Variants in NTN3 observed in about 807,000 individuals in gnomAD.
The protein encoded by NTN3 is netrin-3.
A neutral mutation model predicts 37.2 loss-of-function variants in NTN3; 44 were observed. The observed-to-expected ratio is 1.18, with a 90% CI of 0.93 to 1.52. The LOEUF (loss-of-function observed/expected upper bound fraction) is 1.52, where lower values mean the gene tolerates loss of function less well. Ranked by LOEUF, NTN3 falls within the 40% of genes most tolerant of loss-of-function variation. NTN3 has a pLI of 0.00. For synonymous variants in NTN3, 385 were observed against 376.0 expected, an observed-to-expected ratio of 1.02 and a Z score of -0.28; for missense variants, 882 against 857.3, an observed-to-expected ratio of 1.03 and a Z score of -0.36.
chr16:2,471,787 C>T lies in NTN3; in HGVS notation c.86C>T (p.Pro29Leu), dbSNP rs1342705768. ...LSPGPPAPAD[P>L]CHDEGGAPRG... ...CCTGGGCCGCCGGCGCCCGCCGACC[C>T]CTGCCACGATGAGGGGGGTGCGCCC... The change falls in exon 1 of 6, where the codon CCC becomes CTC. Residue 29 changes from proline to leucine, a missense_variant. Transcript: ENST00000293973. 1.8e-5 allele frequency: 25 copies of T among 1,387,208 alleles called. No individual in the cohort carries two copies. The highest frequency in any genetic ancestry group is 1.6e-5 in the Non-Finnish European group (17 of 1,079,856). The allele number at this position is 1,387,208 out of a possible 1,614,324, so 85.9% of individuals were successfully genotyped here.
At position 2,473,088 on chromosome 16, in the gene NTN3, C is replaced by G. The variant is rs144596770; in HGVS notation, c.1221C>G (p.Cys407Trp). The G allele has an allele frequency of 6.2e-7, 1 of 1,610,196 alleles. No individual in the cohort carries two copies. Among genetic ancestry groups the G allele is most frequent in the East Asian group, 2.2e-5 (1 of 44,862 alleles). Residue 407 changes from cysteine (C) to tryptophan (W), a missense_variant, in exon 3 of 6, where the codon TGC becomes TGG. Transcript: ENST00000293973. ...TCACTGGCCTCACCTGCAACCGCTGCGCGCCTGGCTTCCAGCAAAGCCGCT... is the reference window on the plus strand; with the variant it reads ...TCACTGGCCTCACCTGCAACCGCTGGGCGCCTGGCTTCCAGCAAAGCCGCT... ...DGVTGLTCNR[C>W]APGFQQSRSP...
chr16:2,471,918 C>A lies in NTN3; in HGVS notation c.217C>A (p.Arg73=), dbSNP rs773217361. The part of the protein sequence containing the change: ...ATRACDASDP[R]RAHSPALLTS... ...TCGGGCCTGCGACGCCTCCGACCCG[C>A]GACGGGCACACTCCCCCGCCCTCCT... Residue 73 remains arginine (R), a synonymous_variant, in exon 1 of 6, where the codon CGA becomes AGA. Transcript: ENST00000293973. 29 of 1,541,674 alleles carry A rather than the reference C, an allele frequency of 1.9e-5. No homozygotes were observed. In the Admixed American group the frequency reaches 5.5e-4, roughly 29 times the overall value.
intron 4 of NTN3, 43 bp from the exon 5 acceptor site, chr16:2,473,386 G>C: frequency 6.2e-7 from 1 of 1,612,528 alleles, no homozygotes; most frequent in Non-Finnish European, 8.5e-7. Context: ...GGAGGAGAGG[G>C]TGGGGAAAGG....
Position 2,472,575 on chromosome 16 carries a change from T to C in NTN3, c.874T>C (p.Tyr292His). Residue 292 changes from tyrosine to histidine, a missense_variant, in exon 1 of 6, where the codon TAC becomes CAC. Physicochemically the swap from Tyr to His is moderately conservative, Grantham distance 83. Coordinates refer to ENST00000293973, the MANE Select transcript of NTN3 (RefSeq NM_006181.3). The stretch of plus-strand genomic sequence containing the variant: ...TGACTGCGGCCGCTGCAAGCCCTTC[T>C]ACTGCGACAGGCCATGGCAGCGGGC... ...GPDCGRCKPFYCDRPWQRATA... is the reference protein window; with the variant it reads ...GPDCGRCKPFHCDRPWQRATA... The C allele has an allele frequency of 6.2e-7, 1 of 1,602,068 alleles. No homozygotes were observed. Among genetic ancestry groups the C allele is most frequent in the South Asian group, 1.1e-5 (1 of 90,768 alleles).
Position 2,471,882 on chromosome 16 carries a change from C to A in NTN3, c.181C>A (p.Arg61=). 1 of 1,477,190 alleles carries A rather than the reference C, an allele frequency of 6.8e-7. No homozygotes were observed. The allele number at this position is 1,477,190 out of a possible 1,614,324, so 91.5% of individuals were successfully genotyped here. A position where few individuals can be genotyped will look rare whatever the true frequency, so the allele number is the denominator to read the frequency against. The change falls in exon 1 of 6, where the codon CGG becomes AGG. Residue 61 remains arginine, a synonymous_variant. Coordinates refer to ENST00000293973, the MANE Select transcript of NTN3 (RefSeq NM_006181.3). ...REVLASSTCG[R]PATRACDASD... is the part of the protein sequence containing the mutation. ...GGTGCTGGCTTCCAGCACGTGCGGGCGGCCGGCCACTCGGGCCTGCGACGC... is the reference window on the plus strand; with the variant it reads ...GGTGCTGGCTTCCAGCACGTGCGGGAGGCCGGCCACTCGGGCCTGCGACGC...
intron 5 of NTN3, 84 bp from the exon 6 acceptor site, chr16:2,473,672 C>T (rs2141846004): frequency 7.6e-7 from 1 of 1,308,926 alleles, no homozygotes. Context: ...GCCCCCACTG[C>T]CCTCCTGGTG....
intron 5 of NTN3, 27 bp downstream of exon 5, chr16:2,473,530 C>T (rs1313512544): frequency 9.4e-6 from 15 of 1,588,930 alleles, no homozygotes; most frequent in East Asian, 4.5e-5. Flanking sequence ...CTCCCGCGGA[C>T]CTTCCCACCT....
rs1391029514 is a variant in NTN3, at chr16:2,472,763, G to C, written c.991G>C (p.Gly331Arg). The C allele has an allele frequency of 6.2e-7, 1 of 1,608,394 alleles. No homozygotes were observed. Among genetic ancestry groups the C allele is most frequent in the Admixed American group, 1.7e-5 (1 of 59,608 alleles). Residue 331 changes from glycine to arginine, a missense_variant, in exon 2 of 6, where the codon GGC (glycine) becomes CGC (arginine). Physicochemically the swap from Gly to Arg is moderately radical, Grantham distance 125. Coordinates refer to ENST00000293973, the MANE Select transcript of NTN3 (RefSeq NM_006181.3). ...CAACATGGAGCTGTACCGACTGTCC[G>C]GCCGCCGCAGCGGGGGTGTCTGTCT... ...RFNMELYRLS[G>R]RRSGGVCLNC... is the part of the protein sequence containing the mutation.
chr16:2,472,554 T>A lies in NTN3; in HGVS notation c.853T>A (p.Cys285Ser). The change falls in exon 1 of 6, where the codon TGC (cysteine) becomes AGC (serine). Residue 285 changes from cysteine (C) to serine (S), a missense_variant. By Grantham distance (112) the Cys-to-Ser change is moderately radical. Transcript: ENST00000293973. ...DCRHGTEGPD[C>S]GRCKPFYCDR... ...TCGGCATGGCACCGAGGGCCCTGAC[T>A]GCGGCCGCTGCAAGCCCTTCTACTG... 9 of 1,604,926 alleles carry A rather than the reference T, an allele frequency of 5.6e-6. No homozygotes were observed. The highest frequency in any genetic ancestry group is 7.6e-6 in the Non-Finnish European group (9 of 1,178,198).
Position 2,472,775 on chromosome 16 carries a change from G to A in NTN3, c.1003G>A (p.Gly335Arg), listed in dbSNP as rs746016178. The change falls in exon 2 of 6, where the codon GGG becomes AGG. Residue 335 changes from glycine (G) to arginine (R), a missense_variant. Transcript: ENST00000293973. ...ELYRLSGRRS[G>R]GVCLNCRHNT... ...GTACCGACTGTCCGGCCGCCGCAGC[G>A]GGGGTGTCTGTCTCAACTGCCGGCA... 18 of 1,608,148 alleles carry A rather than the reference G, an allele frequency of 1.1e-5. No individual in the cohort carries two copies. Among genetic ancestry groups the A allele is most frequent in the Middle Eastern group, 3.3e-4 (2 of 6,080 alleles).
At position 2,473,786 on chromosome 16, in the gene NTN3, A is replaced by C; in HGVS notation, c.1424A>C (p.Glu475Ala). The change falls in exon 6 of 6, where the codon GAG becomes GCG. Residue 475 changes from glutamate (E) to alanine (A), a missense_variant. Coordinates refer to ENST00000293973, the MANE Select transcript of NTN3 (RefSeq NM_006181.3). ...CAGGTGGCGGTGGGTGCGCGCGGCG[A>C]GGCGCGCGGCGCGTGGACACGCTTC... ...AVQVAVGARG[E>A]ARGAWTRFPV... 5.1e-6 allele frequency: 7 copies of C among 1,370,244 alleles called. No individual in the cohort carries two copies. The highest frequency in any genetic ancestry group is 6.5e-6 in the Non-Finnish European group (7 of 1,069,446). 84.9% of individuals were successfully genotyped at this position (1,370,244 alleles called of 1,614,324 possible). A position where few individuals can be genotyped will look rare whatever the true frequency, so the allele number is the denominator to read the frequency against.
At position 2,471,750 on chromosome 16, in the gene NTN3, G is replaced by C; in HGVS notation, c.49G>C (p.Ala17Pro). 1.4e-6 allele frequency: 2 copies of C among 1,386,300 alleles called. No individual in the cohort carries two copies. Among genetic ancestry groups the C allele is most frequent in the East Asian group, 3.1e-5 (1 of 32,672 alleles). 85.9% of individuals were successfully genotyped at this position (1,386,300 alleles called of 1,614,324 possible). ...GLLLTAGTLF[A>P]ALSPGPPAPA... Reference sequence around the variant, plus strand: ...GCTGCTGACGGCAGGCACGCTCTTCGCCGCCCTGAGTCCTGGGCCGCCGGC... The same window carrying C: ...GCTGCTGACGGCAGGCACGCTCTTCCCCGCCCTGAGTCCTGGGCCGCCGGC... The change falls in exon 1 of 6, where the codon GCC (alanine) becomes CCC (proline). Residue 17 changes from alanine (A) to proline (P), a missense_variant. Ala to Pro is a conservative substitution (Grantham distance 27, BLOSUM62 -1). Transcript: ENST00000293973.
Position 2,474,012 on chromosome 16 carries a change from C to G in NTN3, c.1650C>G (p.Arg550=), listed in dbSNP as rs2065541373. Residue 550 remains arginine, a synonymous_variant, in exon 6 of 6, where the codon CGC becomes CGG. Coordinates refer to ENST00000293973, the MANE Select transcript of NTN3 (RefSeq NM_006181.3). The stretch of plus-strand genomic sequence containing the variant: ...GGGGGCCCGGGCTCATCGCCGCCCG[C>G]GGAAGCCTCGTGCTACCCTGGAGGG... ...GGRGPGLIAA[R]GSLVLPWRDA... is the part of the protein sequence containing the mutation. 8.4e-7 allele frequency: 1 copy of G among 1,190,510 alleles called. No individual in the cohort carries two copies. Among genetic ancestry groups the G allele is most frequent in the Non-Finnish European group, 1.0e-6 (1 of 961,408 alleles). 73.7% of individuals were successfully genotyped at this position (1,190,510 alleles called of 1,614,324 possible).
In NTN3 at chr16:2,471,722, G is replaced by A; in HGVS notation, c.21G>A (p.Gly7=). 1 of 1,371,546 alleles carries A rather than the reference G, an allele frequency of 7.3e-7. No homozygotes were observed. The highest frequency in any genetic ancestry group is 9.4e-7 in the Non-Finnish European group (1 of 1,069,192). The allele number at this position is 1,371,546 out of a possible 1,614,324, so 85.0% of individuals were successfully genotyped here. Residue 7 remains glycine, a synonymous_variant, in exon 1 of 6, where the codon GGG becomes GGA. Coordinates refer to ENST00000293973, the MANE Select transcript of NTN3 (RefSeq NM_006181.3). ...CGGCCATGCCTGGCTGGCCCTGGGG[G>A]CTGCTGCTGACGGCAGGCACGCTCT... MPGWPW[G]LLLTAGTLFA... is the part of the protein sequence containing the mutation.
Position 2,472,699 on chromosome 16 carries a change from A to T in NTN3, c.929-2A>T. ...CTGCCCCTGACCCATCCCTCCCTGCAGCTTGCTCCTGCAACGGCCATGCCC... is the reference window on the plus strand; with the variant it reads ...CTGCCCCTGACCCATCCCTCCCTGCTGCTTGCTCCTGCAACGGCCATGCCC... On this transcript the variant is annotated splice_acceptor_variant, in intron 1 of 5. Coordinates refer to ENST00000293973, the MANE Select transcript of NTN3 (RefSeq NM_006181.3). LOFTEE classifies it high-confidence loss of function. 6.2e-7 allele frequency: 1 copy of T among 1,609,088 alleles called. No individual in the cohort carries two copies. The highest frequency in any genetic ancestry group is 8.5e-7 in the Non-Finnish European group (1 of 1,179,232).
Position 2,473,130 on chromosome 16 carries a change from T to C in NTN3, c.1263T>C (p.Cys421=). 1.3e-6 allele frequency: 2 copies of C among 1,595,602 alleles called. No individual in the cohort carries two copies. The highest frequency in any genetic ancestry group is 1.1e-5 in the South Asian group (1 of 89,184). The change falls in exon 3 of 6, where the codon TGT becomes TGC. Residue 421 remains cysteine, a synonymous_variant. Coordinates refer to ENST00000293973, the MANE Select transcript of NTN3 (RefSeq NM_006181.3). The part of the protein sequence containing the change: ...FQQSRSPVAP[C]VKTPIPGPTE... ...AAAGCCGCTCCCCAGTGGCGCCCTGTGTTAGTGAGTGACCCTGCCCCGCCT... is the reference window on the plus strand; with the variant it reads ...AAAGCCGCTCCCCAGTGGCGCCCTGCGTTAGTGAGTGACCCTGCCCCGCCT...
rs373224714 is a variant in NTN3 at position 2,472,221 on chromosome 16, G to A, written c.520G>A (p.Glu174Lys). The change falls in exon 1 of 6, where the codon GAG (glutamate) becomes AAG (lysine). Residue 174 changes from glutamate to lysine, a missense_variant. Glu to Lys is a moderately conservative substitution (Grantham distance 56). Transcript: ENST00000293973. ...CAATGGCCCAGCTGGCCCAGGGCCT[G>A]AGGCCCTGTGCTTCCCCGCACCCCT... The part of the protein sequence containing the change: ...PANGPAGPGP[E>K]ALCFPAPLAQ... The A allele has an allele frequency of 1.2e-6, 2 of 1,610,060 alleles. No homozygotes were observed. Among genetic ancestry groups the A allele is most frequent in the Non-Finnish European group, 1.7e-6 (2 of 1,179,756 alleles).
chr16:2,471,989 G>A lies in NTN3; in HGVS notation c.288G>A (p.Glu96=). ...CCAGCCCTCTGTGCTGGCGCTCGGA[G>A]TCCCTGCCTCGGGCGCCCCTCAACG... ...GTASPLCWRS[E]SLPRAPLNVT... The change falls in exon 1 of 6, where the codon GAG becomes GAA. Residue 96 remains glutamate (E), a synonymous_variant. Coordinates refer to ENST00000293973, the MANE Select transcript of NTN3 (RefSeq NM_006181.3). The A allele has an allele frequency of 6.2e-7, 1 of 1,601,054 alleles. No homozygotes were observed. The highest frequency in any genetic ancestry group is 1.3e-5 in the African/African-American group (1 of 75,014).
chr16:2,472,518 A>C lies in NTN3; in HGVS notation c.817A>C (p.Ile273Leu). Residue 273 changes from isoleucine to leucine, a missense_variant, in exon 1 of 6, where the codon ATC (isoleucine) becomes CTC (leucine). Ile to Leu is a conservative substitution (Grantham distance 5). Coordinates refer to ENST00000293973, the MANE Select transcript of NTN3 (RefSeq NM_006181.3). ...RCLLDTQGHL[I>L]CDCRHGTEGP... ...CCTGCTGGACACACAGGGCCACCTG[A>C]TCTGCGACTGTCGGCATGGCACCGA... 2 of 1,607,964 alleles carry C rather than the reference A, an allele frequency of 1.2e-6. No homozygotes were observed. Among genetic ancestry groups the C allele is most frequent in the Non-Finnish European group, 1.7e-6 (2 of 1,178,664 alleles).
Sources: gnomAD v4.1 joint callset for allele counts on GRCh38, gnomAD v4.1.1 for gene constraint, MANE v1.5 for transcripts, NCBI Gene and HGNC (gene_info 2026-07-23, HGNC 2026-07-21) for gene names.